Variants in TMEM132B observed in about 807,000 individuals in gnomAD.
The protein encoded by TMEM132B is transmembrane protein 132B.
A neutral mutation model predicts 90.8 loss-of-function variants in TMEM132B; 18 were observed. The ratio of observed to expected loss-of-function variants is 0.20; its 90% CI spans 0.14 to 0.29. The LOEUF (loss-of-function observed/expected upper bound fraction) is 0.29. Ranked by LOEUF, TMEM132B falls within the 10% of genes least tolerant of loss-of-function variation. The pLI, the probability that TMEM132B is intolerant of heterozygous loss-of-function variation, is 1.00. For synonymous variants in TMEM132B, 504 were observed against 523.3 expected, an observed-to-expected ratio of 0.96 and a Z score of 0.50; for missense variants, 1,096 against 1,326.8, an observed-to-expected ratio of 0.83 and a Z score of 2.70.
At position 125,235,117 on chromosome 12, in the gene TMEM132B, A is replaced by G. The variant is rs142269794; in HGVS notation, c.67+48251A>G. 3.7e-4 allele frequency among the ~76,000 whole-genome samples: 57 copies of G among 152,324 alleles called. No homozygotes were observed. In the East Asian group the frequency reaches 0.011, roughly 29 times the overall value. On this transcript the variant is annotated intron_variant, in intron 1 of 8. Transcript: ENST00000682704. ...CTGCAGCTGCCACTCACTGGTGGTC[A>G]TGGTGGACTCTGGATGGTGGTGCCC... is the stretch of plus-strand genomic sequence containing the variant.
At chr12:125,505,469 A>C (rs1592960996) in intron 3 of TMEM132B, among the ~76,000 whole-genome samples, 1 of 152,028 alleles carries the variant, frequency 6.6e-6, no homozygotes. Context: ...GAGGCCAAGC[A>C]GGGTGGATCA....
chr12:125,627,482 T>C (rs1886260420), intron 5 of TMEM132B, among the ~76,000 whole-genome samples: 1 of 152,142 alleles, frequency 6.6e-6, no homozygotes, highest in African/African-American at 2.4e-5. Flanking sequence ...TGTTGGGATT[T>C]CTGTTAATAT....
At chr12:125,569,138 A>C (rs1364177404) in intron 4 of TMEM132B, among the ~76,000 whole-genome samples, 1 of 151,916 alleles carries the variant, frequency 6.6e-6, no homozygotes, top group Non-Finnish European at 1.5e-5. Context: ...TGCTCTGCTC[A>C]TGTCCGTTGC....
intron 2 of TMEM132B, among the ~76,000 whole-genome samples, chr12:125,401,815 A>C (rs1879328576): frequency 6.7e-6 from 1 of 149,066 alleles, no homozygotes; most frequent in Non-Finnish European, 1.5e-5. Context: ...TAGTGAGAAA[A>C]AACTTGATTG....
In TMEM132B at chr12:125,342,302, A is replaced by C. The variant is rs142176530; in HGVS notation, c.68-7150A>C. Among the ~76,000 whole-genome samples, 713 of 152,294 alleles carry C rather than the reference A, an allele frequency of 4.7e-3. 9 individuals carry two copies. Among genetic ancestry groups the C allele is most frequent in the African/African-American group, 0.016 (648 of 41,564 alleles). ...CTGTACGGGGATGGTTAGCAGTGCA[A>C]TTCATAGAGCCAGTTTTCCAGGATT... On this transcript the variant is annotated intron_variant, in intron 1 of 8. Coordinates refer to ENST00000682704, the MANE Select transcript of TMEM132B (RefSeq NM_001366854.1).
At chr12:125,280,205 A>G (rs1316667914) in intron 1 of TMEM132B, among the ~76,000 whole-genome samples, 1 of 152,230 alleles carries the variant, frequency 6.6e-6, no homozygotes, top group African/African-American at 2.4e-5. Context: ...CTTTAGTCTA[A>G]AGAAGTTAAA....
chr12:125,194,852 C>G lies in TMEM132B; in HGVS notation c.67+7986C>G, dbSNP rs368855417. The stretch of plus-strand genomic sequence containing the variant: ...TGTTATTTTGCTAGAAAACTTGTCT[C>G]TAAGCAGCAGCGAATCATAACTTTT... On this transcript the variant is annotated intron_variant, in intron 1 of 8. Transcript: ENST00000682704. Among the ~76,000 whole-genome samples, 18 of 152,268 alleles carry G rather than the reference C, an allele frequency of 1.2e-4. No homozygotes were observed. In the South Asian group the frequency reaches 3.7e-3, roughly 32 times the overall value.
chr12:125,444,583 T>C (rs939134066), intron 3 of TMEM132B, among the ~76,000 whole-genome samples: 6 of 152,204 alleles, frequency 3.9e-5, no homozygotes, highest in Non-Finnish European at 7.3e-5. Context: ...GAAGTGATGG[T>C]ACTGGGTATT....
At chr12:125,531,302 C>T (rs1399865837) in intron 4 of TMEM132B, among the ~76,000 whole-genome samples, 2 of 152,200 alleles carry the variant, frequency 1.3e-5, no homozygotes, top group African/African-American at 2.4e-5. Context: ...CTTCCCACTT[C>T]AGGTTCCTGA....
intron 1 of TMEM132B, among the ~76,000 whole-genome samples, chr12:125,221,270 G>A (rs929351264): frequency 2.0e-5 from 3 of 152,212 alleles, no homozygotes; most frequent in African/African-American, 7.2e-5. Context: ...GATAGTAGGT[G>A]CTCAGTAAAT....
chr12:125,500,736 G>A (rs572590723), intron 3 of TMEM132B, among the ~76,000 whole-genome samples: 31 of 152,294 alleles, frequency 2.0e-4, no homozygotes, highest in South Asian at 4.2e-4. Flanking sequence ...GTGAGGTTAC[G>A]TGGATGTCCT....
At chr12:125,416,256 C>T (rs1211473463) in intron 3 of TMEM132B, among the ~76,000 whole-genome samples, 2 of 152,064 alleles carry the variant, frequency 1.3e-5, no homozygotes, top group Non-Finnish European at 2.9e-5. Context: ...ACCTGTGTTG[C>T]AGCCGCCTTC....
At chr12:125,494,481 T>TC (rs1882470084) in intron 3 of TMEM132B, among the ~76,000 whole-genome samples, 1 of 85,468 alleles carries the variant, frequency 1.2e-5, no homozygotes, top group African/African-American at 4.7e-5. Context: ...GCGTCCCTCC[T>TC]CCCCCTCTTC....
chr12:125,639,185 ATGT>A (rs1460863036), intron 5 of TMEM132B, among the ~76,000 whole-genome samples: 1 of 152,156 alleles, frequency 6.6e-6, no homozygotes, highest in African/African-American at 2.4e-5. Context: ...TAAAACACAC[ATGT>A]ACCTCACACA....
chr12:125,488,476 C>A (rs117359990), intron 3 of TMEM132B, among the ~76,000 whole-genome samples: 3,190 of 152,094 alleles, frequency 0.021, 47 homozygotes, highest in Non-Finnish European at 0.033. Context: ...ATTATGGGGG[C>A]GGGTCTTTCC....
At chr12:125,405,262 C>G (rs1355065189) in intron 2 of TMEM132B, among the ~76,000 whole-genome samples, 1 of 152,166 alleles carries the variant, frequency 6.6e-6, no homozygotes, top group Admixed American at 6.5e-5. Context: ...CCCATAGAAG[C>G]ATAACTCCAG....
chr12:125,413,816 ATTTG>A (rs746937915), intron 2 of TMEM132B, among the ~76,000 whole-genome samples: 2 of 152,150 alleles, frequency 1.3e-5, no homozygotes, highest in Non-Finnish European at 2.9e-5. Flanking sequence ...GTGTACAAGT[ATTTG>A]TTTGAGTGCC....
chr12:125,451,369 C>T (rs994269300), intron 3 of TMEM132B, among the ~76,000 whole-genome samples: 41 of 151,884 alleles, frequency 2.7e-4, no homozygotes, highest in African/African-American at 8.7e-4. Flanking sequence ...TGTATACATA[C>T]GTATGTATAT....
At chr12:125,275,521 G>A (rs1001320268) in intron 1 of TMEM132B, among the ~76,000 whole-genome samples, 4 of 152,286 alleles carry the variant, frequency 2.6e-5, no homozygotes, top group Non-Finnish European at 5.9e-5. Flanking sequence ...TTTGATGGGA[G>A]GAATATCCAG....
Sources: gnomAD v4.1 joint callset for allele counts (sites outside exome capture counted in the v4.1 genomes callset) on GRCh38, gnomAD v4.1.1 for gene constraint, MANE v1.5 for transcripts, NCBI Gene and HGNC (gene_info 2026-07-23, HGNC 2026-07-21) for gene names.